RBFOX1: variants seen among roughly 807,000 people sequenced by gnomAD.
RBFOX1 encodes RNA binding fox-1 homolog 1.
In RBFOX1, 8 loss-of-function variants were observed where a neutral mutation model predicts 57.7. The observed-to-expected ratio is 0.14, with a 90% CI of 0.08 to 0.25. RBFOX1 has a LOEUF of 0.25. Among genes scored for constraint, RBFOX1 ranks in the 10% least tolerant of loss-of-function variants. The probability of loss-of-function intolerance (pLI) is 1.00; values close to 1 mark genes in which losing one functional copy is unlikely to be tolerated. For synonymous variants in RBFOX1, 326 were observed against 222.4 expected (o/e 1.47, Z -4.15); for missense variants, 611 against 548.5 (o/e 1.11, Z -1.14).
intron 3 of RBFOX1, among the ~76,000 whole-genome samples, chr16:7,005,169 C>G (rs1265655256): frequency 1.3e-5 from 2 of 150,422 alleles, no homozygotes; most frequent in Admixed American, 6.6e-5. Flanking sequence ...AAAAAAAACC[C>G]AAAACTAAAC....
At chr16:6,697,719 A>C (rs933990594) in intron 3 of RBFOX1, among the ~76,000 whole-genome samples, 1 of 152,174 alleles carries the variant, frequency 6.6e-6, no homozygotes, top group Admixed American at 6.5e-5. Flanking sequence ...TCCTTCCCCA[A>C]AGAAACAGGC....
chr16:7,258,583 A>G (rs1338872159), intron 4 of RBFOX1, among the ~76,000 whole-genome samples: 1 of 151,924 alleles, frequency 6.6e-6, no homozygotes, highest in Non-Finnish European at 1.5e-5. Context: ...ACTCATAAGT[A>G]TGAGATTCAT....
chr16:6,691,466 T>C (rs1009137890), intron 3 of RBFOX1, among the ~76,000 whole-genome samples: 1 of 106,630 alleles, frequency 9.4e-6, no homozygotes, highest in African/African-American at 2.5e-5. Context: ...CCTTTTTCTT[T>C]ATTTTTTTTG....
chr16:5,400,216 C>G (rs2066675860), intron 1 of RBFOX1, among the ~76,000 whole-genome samples: 1 of 151,980 alleles, frequency 6.6e-6, no homozygotes, highest in Non-Finnish European at 1.5e-5. Flanking sequence ...CTCAGCCTCT[C>G]GAGTAACTGG....
At chr16:6,799,521 G>A (rs1259788264) in intron 3 of RBFOX1, among the ~76,000 whole-genome samples, 1 of 152,130 alleles carries the variant, frequency 6.6e-6, no homozygotes, top group Non-Finnish European at 1.5e-5. Context: ...GAGAGCTGGT[G>A]AACTATTGTT....
intron 5 of RBFOX1, among the ~76,000 whole-genome samples, chr16:7,547,061 C>T (rs1486238456): frequency 8.6e-5 from 13 of 151,686 alleles, no homozygotes; most frequent in Admixed American, 8.6e-4. Context: ...TGCACTCACA[C>T]CAGTATCAAG....
intron 2 of RBFOX1, among the ~76,000 whole-genome samples, chr16:6,549,715 C>T (rs1287631643): frequency 2.6e-5 from 4 of 152,014 alleles, no homozygotes; most frequent in Non-Finnish European, 4.4e-5. Flanking sequence ...TGGTCTCCAG[C>T]CTCATGACCT....
chr16:5,864,528 A>G (rs2057300008), intron 3 of RBFOX1, among the ~76,000 whole-genome samples: 1 of 141,612 alleles, frequency 7.1e-6, no homozygotes, highest in Admixed American at 7.4e-5. Flanking sequence ...GGAGAGATGG[A>G]TGATGTATAC....
At chr16:6,351,372 A>T (rs199856314) in intron 2 of RBFOX1, among the ~76,000 whole-genome samples, 21,797 of 86,232 alleles carry the variant, frequency 0.25, 2,350 homozygotes, top group Middle Eastern at 0.43. Flanking sequence ...ATATATATAT[A>T]TTTTTTTTTT....
At chr16:6,788,768 C>G (rs186036139) in intron 3 of RBFOX1, among the ~76,000 whole-genome samples, 2 of 151,740 alleles carry the variant, frequency 1.3e-5, no homozygotes, top group East Asian at 3.9e-4. Context: ...AGCGACCGTG[C>G]CCGGCCCCCC....
chr16:6,162,318 G>T (rs1032861179), intron 1 of RBFOX1, among the ~76,000 whole-genome samples: 2 of 152,128 alleles, frequency 1.3e-5, no homozygotes, highest in Non-Finnish European at 2.9e-5. Flanking sequence ...GTTTCACCAT[G>T]TTGGCAGGCC....
chr16:6,953,181 T>C (rs2081110427), intron 3 of RBFOX1, among the ~76,000 whole-genome samples: 1 of 152,096 alleles, frequency 6.6e-6, no homozygotes, highest in African/African-American at 2.4e-5. Context: ...ATCATTCCCT[T>C]ATATTTTGCT....
At chr16:7,099,330 C>A (rs1245569673) in intron 4 of RBFOX1, among the ~76,000 whole-genome samples, 1 of 152,244 alleles carries the variant, frequency 6.6e-6, no homozygotes, top group Non-Finnish European at 1.5e-5. Context: ...GGTGTAAACT[C>A]ATTTTGTACC....
chr16:7,241,271 A>C (rs2094042770), intron 4 of RBFOX1, among the ~76,000 whole-genome samples: 1 of 151,834 alleles, frequency 6.6e-6, no homozygotes, highest in African/African-American at 2.4e-5. Context: ...CAGTCTCGGC[A>C]CTACTATTTA....
intron 4 of RBFOX1, among the ~76,000 whole-genome samples, chr16:7,078,344 C>G (rs888607909): frequency 6.6e-6 from 1 of 152,104 alleles, no homozygotes; most frequent in African/African-American, 2.4e-5. Context: ...ATAACCAACC[C>G]CATATACTTT....
At position 6,086,989 on chromosome 16, in the gene RBFOX1, T is replaced by C. The variant is rs190481073; in HGVS notation, c.-127+66997T>C. On this transcript the variant is annotated intron_variant, in intron 1 of 15. Coordinates refer to ENST00000550418, the MANE Select transcript of RBFOX1 (RefSeq NM_018723.4). ...TCACAAAGCTGTAGCAACACATCAC[T>C]CAAGAGGAACCCTTCTCACAATGGG... 1.8e-4 allele frequency among the ~76,000 whole-genome samples: 27 copies of C among 152,200 alleles called. No homozygotes were observed. In the East Asian group the frequency reaches 5.0e-3, roughly 28 times the overall value.
intron 3 of RBFOX1, among the ~76,000 whole-genome samples, chr16:6,840,909 A>G (rs1313727007): frequency 2.6e-5 from 4 of 151,504 alleles, no homozygotes; most frequent in Admixed American, 6.6e-5. Flanking sequence ...AAAAAACGAA[A>G]AAAGGTTTGA....
At chr16:6,483,399 C>T (rs2095406708) in intron 2 of RBFOX1, 1 of 1,533,822 alleles carries the variant, frequency 6.5e-7, no homozygotes, top group South Asian at 1.2e-5. Flanking sequence ...TGACTGGAGT[C>T]ATTTACATTG....
At chr16:7,613,206 A>G (rs984627712) in intron 10 of RBFOX1, among the ~76,000 whole-genome samples, 1 of 152,180 alleles carries the variant, frequency 6.6e-6, no homozygotes, top group Non-Finnish European at 1.5e-5. Context: ...TGGGGGGAAT[A>G]AAGAGATTCT....
Sources: allele counts gnomAD v4.1 joint callset (sites outside exome capture counted in the v4.1 genomes callset), GRCh38; gene constraint gnomAD v4.1.1; transcripts MANE v1.5; gene names NCBI Gene and HGNC (gene_info 2026-07-23, HGNC 2026-07-21).